THBS4: variants seen among roughly 807,000 people sequenced by gnomAD.
THBS4 encodes the protein thrombospondin-4.
In THBS4, 90 loss-of-function variants were observed where a neutral mutation model predicts 115.7. The observed-to-expected ratio is 0.78, with a 90% CI of 0.66 to 0.93. The LOEUF (loss-of-function observed/expected upper bound fraction) is 0.93, where lower values mean the gene tolerates loss of function less well. Among genes scored for constraint, THBS4 ranks in the 40% least tolerant of loss-of-function variants. The pLI, the probability that THBS4 is intolerant of heterozygous loss-of-function variation, is 0.00. For synonymous variants in THBS4, 460 were observed against 479.3 expected, an observed-to-expected ratio of 0.96 and a Z score of 0.53; for missense variants, 1,087 against 1,232.7, an observed-to-expected ratio of 0.88 and a Z score of 1.77.
chr5:80,057,624 A>G (rs1317266520), intron 3 of THBS4, among the ~76,000 whole-genome samples: 1 of 152,236 alleles, frequency 6.6e-6, no homozygotes, highest in Non-Finnish European at 1.5e-5. Flanking sequence ...TGTTGTATAT[A>G]GATATAATAA....
chr5:79,993,205 A>C (rs932702515), intron 1 of THBS4, among the ~76,000 whole-genome samples: 3 of 152,252 alleles, frequency 2.0e-5, no homozygotes, highest in Non-Finnish European at 4.4e-5. Flanking sequence ...TTAGTGTTGA[A>C]TTGAGACAGA....
chr5:80,051,652 T>C (rs1462705206), intron 2 of THBS4, among the ~76,000 whole-genome samples: 1 of 152,254 alleles, frequency 6.6e-6, no homozygotes. Flanking sequence ...GAGGTTTTGC[T>C]ACCTGGAATT....
At chr5:80,049,727 T>C (rs1251996674) in intron 2 of THBS4, among the ~76,000 whole-genome samples, 1 of 151,944 alleles carries the variant, frequency 6.6e-6, no homozygotes, top group Non-Finnish European at 1.5e-5. Context: ...GGACTTAAGG[T>C]GGTGGGAAGA....
Position 80,061,777 on chromosome 5 carries a change from T to C in THBS4, c.1070T>C (p.Phe357Ser), listed in dbSNP as rs1833645870. 6.2e-7 allele frequency: 1 copy of C among 1,614,140 alleles called. No homozygotes were observed. Among genetic ancestry groups the C allele is most frequent in the South Asian group, 1.1e-5 (1 of 91,082 alleles). ...AGATGTGACGCCTGCCCAGTGGGCT[T>C]CACAGGGCCCATGGTGCAGGGTGTT... ...GFRCDACPVG[F>S]TGPMVQGVGI... Residue 357 changes from phenylalanine (F) to serine (S), a missense_variant, in exon 8 of 22, where the codon TTC becomes TCC. Physicochemically the swap from Phe to Ser is radical, Grantham distance 155 (BLOSUM62 -2). Around this residue, in one of 3 missense-constraint regions of THBS4, gnomAD observed 979 missense variants for 1,103.7 expected, o/e 0.89. Coordinates refer to ENST00000350881, the MANE Select transcript of THBS4 (RefSeq NM_003248.6).
chr5:80,065,920 G>A (rs557818753), intron 9 of THBS4, among the ~76,000 whole-genome samples: 27 of 151,910 alleles, frequency 1.8e-4, no homozygotes, highest in Non-Finnish European at 3.2e-4. Context: ...GTTAAACCCC[G>A]TCTCTACTAA....
Position 80,076,967 on chromosome 5 carries a change from A to G in THBS4, c.2005A>G (p.Asn669Asp). The G allele has an allele frequency of 6.2e-7, 1 of 1,613,750 alleles. No homozygotes were observed. Among genetic ancestry groups the G allele is most frequent in the Non-Finnish European group, 8.5e-7 (1 of 1,179,876 alleles). The change falls in exon 16 of 22, where the codon AAT becomes GAT. Residue 669 changes from asparagine (N) to aspartate (D), a missense_variant. By Grantham distance (23) the Asn-to-Asp change is conservative. Transcript: ENST00000350881. Reference sequence around the variant, plus strand: ...TGACGAGTGTGATGATGATGATGACAATGATGGTATCCCAGACCTGGTGCC... The same window carrying G: ...TGACGAGTGTGATGATGATGATGACGATGATGGTATCCCAGACCTGGTGCC... ...IGDECDDDDDNDGIPDLVPPG... is the reference protein window; with the variant it reads ...IGDECDDDDDDDGIPDLVPPG...
At position 80,039,965 on chromosome 5, in the gene THBS4, TTTACA is replaced by T. The variant is rs1382793271; in HGVS notation, c.89-107_89-103del. The T allele has an allele frequency of 3.3e-6, 3 of 921,176 alleles. No individual in the cohort carries two copies. In the African/African-American group the frequency reaches 4.9e-5, roughly 15 times the overall value. 57.1% of individuals were successfully genotyped at this position (921,176 alleles called of 1,614,324 possible). A position where few individuals can be genotyped will look rare whatever the true frequency, so the allele number is the denominator to read the frequency against. ...TACGGAAAAGGGATTACAAGATTAGTTTACATTACTTTGTAGCTTACTGTCAAATT... is the reference window on the plus strand; with the variant it reads ...TACGGAAAAGGGATTACAAGATTAGTTTACTTTGTAGCTTACTGTCAAATT... On this transcript the variant is annotated intron_variant, in intron 1 of 21. Transcript: ENST00000350881.
At chr5:80,005,122 C>A (rs181494865) in intron 2 of THBS4, among the ~76,000 whole-genome samples, 1 of 152,158 alleles carries the variant, frequency 6.6e-6, no homozygotes, top group African/African-American at 2.4e-5. Flanking sequence ...AAAGGTCACA[C>A]GGAAAAGTTG....
At position 80,061,773 on chromosome 5, in the gene THBS4, G is replaced by A; in HGVS notation, c.1066G>A (p.Gly356Ser). ...CTTCAGATGTGACGCCTGCCCAGTGGGCTTCACAGGGCCCATGGTGCAGGG... is the reference window on the plus strand; with the variant it reads ...CTTCAGATGTGACGCCTGCCCAGTGAGCTTCACAGGGCCCATGGTGCAGGG... ...PGFRCDACPVGFTGPMVQGVG... is the reference protein window; with the variant it reads ...PGFRCDACPVSFTGPMVQGVG... Residue 356 changes from glycine (G) to serine (S), a missense_variant, in exon 8 of 22, where the codon GGC becomes AGC. Coordinates refer to ENST00000350881, the MANE Select transcript of THBS4 (RefSeq NM_003248.6). The A allele has an allele frequency of 6.2e-7, 1 of 1,614,032 alleles. No individual in the cohort carries two copies. The highest frequency in any genetic ancestry group is 8.5e-7 in the Non-Finnish European group (1 of 1,179,998).
At chr5:80,001,706 A>G (rs2151150053) in intron 2 of THBS4, among the ~76,000 whole-genome samples, 2 of 152,296 alleles carry the variant, frequency 1.3e-5, no homozygotes, top group South Asian at 4.1e-4. Context: ...TCTGAGAACT[A>G]CGTATAATTC....
Position 80,061,682 on chromosome 5 carries a change from T to G in THBS4, c.988-13T>G. On this transcript the variant is annotated splice_polypyrimidine_tract_variant and intron_variant, in intron 7 of 21. Transcript: ENST00000350881. ...TCGGTGTGGCTAAAGACTTTGAACT[T>G]TTTTGTCTCCAGTGCAAATACCATC... 1 of 1,596,114 alleles carries G rather than the reference T, an allele frequency of 6.3e-7. No individual in the cohort carries two copies. The highest frequency in any genetic ancestry group is 8.6e-7 in the Non-Finnish European group (1 of 1,169,560).
At chr5:80,069,005 AATCCAAGG>A (rs1833939012) in intron 10 of THBS4, among the ~76,000 whole-genome samples, 1 of 152,276 alleles carries the variant, frequency 6.6e-6, no homozygotes, top group East Asian at 1.9e-4. Context: ...TCCATTCCCA[AATCCAAGG>A]ATCCAAAGTC....
intron 10 of THBS4, among the ~76,000 whole-genome samples, 153 bp from the exon 11 acceptor site, chr5:80,070,153 G>A (rs189897472): frequency 7.2e-4 from 110 of 152,242 alleles, no homozygotes; most frequent in African/African-American, 2.6e-3. Context: ...CTATTCAAGT[G>A]CAATTAAATA....
At chr5:79,991,355 A>T in exon 1 of THBS4, 1 of 922,602 alleles carries the variant, frequency 1.1e-6, no homozygotes, top group Non-Finnish European at 1.6e-6. Context: ...TTGAGAGATG[A>T]GAGAAACAAC....
intron 2 of THBS4, among the ~76,000 whole-genome samples, chr5:80,049,540 T>C (rs1482207893): frequency 6.6e-6 from 1 of 152,250 alleles, no homozygotes; most frequent in African/African-American, 2.4e-5. Context: ...AAAGGATTTA[T>C]ATAACCAACA....
intron 19 of THBS4, among the ~76,000 whole-genome samples, chr5:80,079,582 T>A (rs939951492): frequency 5.3e-5 from 8 of 152,222 alleles, no homozygotes; most frequent in Non-Finnish European, 7.3e-5. Context: ...GCTGATGGGC[T>A]ACTTCTGTCA....
At chr5:80,044,395 T>A (rs1020210614) in intron 2 of THBS4, among the ~76,000 whole-genome samples, 1 of 151,536 alleles carries the variant, frequency 6.6e-6, no homozygotes, top group African/African-American at 2.4e-5. Flanking sequence ...TTCCACAATA[T>A]CTGACACATA....
upstream of THBS4, among the ~76,000 whole-genome samples, chr5:80,035,144 C>A (rs1832669006): frequency 6.6e-6 from 1 of 152,022 alleles, no homozygotes; most frequent in African/African-American, 2.4e-5. This position sits in a 1 kb window ranked among gnomAD's most constrained non-coding sequence, Gnocchi z 4.6. Context: ...CGCGTCGGGG[C>A]CGTGTCTACA....
Position 80,040,209 on chromosome 5 carries a change from T to C in THBS4, c.221T>C (p.Ile74Thr). ...CTGCAGACTAAAAGTTCAGCCACCATCTTCGGTCTTTACTCTTCAACTGAC... is the reference window on the plus strand; with the variant it reads ...CTGCAGACTAAAAGTTCAGCCACCACCTTCGGTCTTTACTCTTCAACTGAC... ...FKLQTKSSAT[I>T]FGLYSSTDNS... The change falls in exon 2 of 22, where the codon ATC becomes ACC. Residue 74 changes from isoleucine (I) to threonine (T), a missense_variant. Transcript: ENST00000350881. 1 of 1,614,182 alleles carries C rather than the reference T, an allele frequency of 6.2e-7. No individual in the cohort carries two copies. The highest frequency in any genetic ancestry group is 8.5e-7 in the Non-Finnish European group (1 of 1,180,030).
Sources: allele counts gnomAD v4.1 joint callset (sites outside exome capture counted in the v4.1 genomes callset), GRCh38; gene constraint gnomAD v4.1.1; regional missense constraint gnomAD v4.1.1; non-coding constraint Gnocchi (gnomAD v3.1); transcripts MANE v1.5; gene names NCBI Gene and HGNC (gene_info 2026-07-23, HGNC 2026-07-21).